Variants in TAB1 observed in about 807,000 individuals in gnomAD.
TAB1 encodes the protein TGF-beta activated kinase 1 (MAP3K7) binding protein 1, also known as TGF-beta-activated kinase 1 and MAP3K7-binding protein 1.
In TAB1, 30 loss-of-function variants were observed where a neutral mutation model predicts 54.5. The ratio of observed to expected loss-of-function variants is 0.55; its 90% CI spans 0.41 to 0.75. The LOEUF is 0.75. Among genes scored for constraint, TAB1 ranks in the 30% least tolerant of loss-of-function variants. TAB1 has a pLI of 0.00. For synonymous variants in TAB1, 289 were observed against 286.9 expected (o/e 1.01, Z -0.07); for missense variants, 609 against 683.2 (o/e 0.89, Z 1.21).
intron 8 of TAB1, among the ~76,000 whole-genome samples, chr22:39,422,955 G>A (rs1263101697): frequency 2.6e-5 from 4 of 151,532 alleles, no homozygotes; most frequent in Non-Finnish European, 4.4e-5. Context: ...ATTCTTGTAG[G>A]AAGATAACCT....
chr22:39,429,003 AC>A, intron 10 of TAB1: 2 of 962,526 alleles, frequency 2.1e-6, no homozygotes, highest in Non-Finnish European at 1.2e-6. Flanking sequence ...CCTCTCCAGC[AC>A]CCCTGCCGGG....
chr22:39,411,814 G>A (rs903644755), intron 1 of TAB1, among the ~76,000 whole-genome samples: 2 of 152,118 alleles, frequency 1.3e-5, no homozygotes, highest in African/African-American at 4.8e-5. Context: ...TATAAGAAAC[G>A]AAACAGCCCA....
chr22:39,407,118 CCTT>C (rs1926400300), intron 1 of TAB1, among the ~76,000 whole-genome samples: 1 of 152,108 alleles, frequency 6.6e-6, no homozygotes, highest in Non-Finnish European at 1.5e-5. Flanking sequence ...TTTAAAACAA[CCTT>C]CTATAGTAGT....
Position 39,430,184 on chromosome 22 carries a change from G to A in TAB1, c.1477G>A (p.Val493Met), listed in dbSNP as rs759175996. ...DFAEFYRLWS[V>M]DHGEQSVVTA... Reference sequence around the variant, plus strand: ...TGCTGAGTTTTACCGCCTCTGGAGCGTGGACCATGGCGAGCAGAGCGTGGT... The same window carrying A: ...TGCTGAGTTTTACCGCCTCTGGAGCATGGACCATGGCGAGCAGAGCGTGGT... Residue 493 changes from valine to methionine, a missense_variant, in exon 11 of 11, where the codon GTG (valine) becomes ATG (methionine). By Grantham distance (21) the Val-to-Met change is conservative. Coordinates refer to ENST00000216160, the MANE Select transcript of TAB1 (RefSeq NM_006116.3). 16 of 1,613,570 alleles carry A rather than the reference G, an allele frequency of 9.9e-6. No individual in the cohort carries two copies. The highest frequency in any genetic ancestry group is 2.2e-5 in the East Asian group (1 of 44,886).
chr22:39,433,009 G>A (rs888927476), downstream of TAB1: 10 of 985,386 alleles, frequency 1.0e-5, no homozygotes, highest in South Asian at 4.7e-5. Flanking sequence ...CACCGTCCAC[G>A]TCCCCAGGTG....
chr22:39,429,420 C>G, intron 10 of TAB1: 2 of 949,266 alleles, frequency 2.1e-6, no homozygotes, highest in Middle Eastern at 5.5e-4. Flanking sequence ...TGGGTGCTGT[C>G]CTGTCACGGC....
chr22:39,411,942 T>C (rs1040766955), intron 1 of TAB1, among the ~76,000 whole-genome samples: 4 of 152,108 alleles, frequency 2.6e-5, no homozygotes, highest in African/African-American at 9.7e-5. Context: ...CTTGGATGAG[T>C]CTTAGAGACA....
intron 8 of TAB1, 44 bp downstream of exon 8, chr22:39,422,015 G>A: frequency 2.0e-6 from 3 of 1,479,388 alleles, no homozygotes; most frequent in South Asian, 1.4e-5. Context: ...AGCGTGGCTG[G>A]CCTGCATGGT....
intron 1 of TAB1, among the ~76,000 whole-genome samples, chr22:39,400,461 TCTGA>T (rs36066480): frequency 0.042 from 6,461 of 152,224 alleles, 465 homozygotes; most frequent in African/African-American, 0.15. Flanking sequence ...TGGTCCTGGC[TCTGA>T]CTGTGTCTCC....
chr22:39,433,179 C>T (rs1927652210), downstream of TAB1: 3 of 985,290 alleles, frequency 3.0e-6, no homozygotes, highest in Admixed American at 6.1e-5. Context: ...CGGCCGGGCG[C>T]GGTGGCTCAG....
chr22:39,415,733 T>C lies in TAB1; in HGVS notation c.324+80T>C. 2 of 1,518,512 alleles carry C rather than the reference T, an allele frequency of 1.3e-6. No homozygotes were observed. Among genetic ancestry groups the C allele is most frequent in the Non-Finnish European group, 8.8e-7 (1 of 1,130,198 alleles). 94.1% of individuals were successfully genotyped at this position (1,518,512 alleles called of 1,614,324 possible). The stretch of plus-strand genomic sequence containing the variant: ...GCTTGGGCCCTGCACCTCTAGCATG[T>C]TGCCAGGGTTGGTGTGAAGATCCTG... On this transcript the variant is annotated intron_variant, in intron 3 of 10. Transcript: ENST00000216160. The surrounding 1 kb of genome is among the most constrained non-coding windows in gnomAD (Gnocchi z 4.9).
At chr22:39,431,976 C>G, downstream of TAB1, 1 of 688,180 alleles carries the variant, frequency 1.5e-6, no homozygotes, top group Non-Finnish European at 1.8e-6. Flanking sequence ...GAACTCGGCT[C>G]GCCAGGCTGC....
At chr22:39,422,495 G>A (rs933509263) in intron 8 of TAB1, among the ~76,000 whole-genome samples, 1 of 131,388 alleles carries the variant, frequency 7.6e-6, no homozygotes, top group African/African-American at 2.9e-5. Context: ...TGCAATCTCC[G>A]CCTCCCGGGT....
chr22:39,421,833 C>G lies in TAB1; in HGVS notation c.783C>G (p.Ala261=), dbSNP rs767859643. ...TTCCACTCTCTCCCCATAGCGCTGC[C>G]AAGTCCAAACCAATCATCGCAGAGC... ...GYTDIDLLSA[A]KSKPIIAEPE... Residue 261 remains alanine, a synonymous_variant, in exon 8 of 11, where the codon GCC becomes GCG. Coordinates refer to ENST00000216160, the MANE Select transcript of TAB1 (RefSeq NM_006116.3). 6.2e-7 allele frequency: 1 copy of G among 1,614,096 alleles called. No homozygotes were observed. Among genetic ancestry groups the G allele is most frequent in the Admixed American group, 1.7e-5 (1 of 60,010 alleles).
intron 1 of TAB1, among the ~76,000 whole-genome samples, chr22:39,400,199 A>C (rs1926073477): frequency 6.6e-6 from 1 of 152,154 alleles, no homozygotes. Flanking sequence ...TCCACAGTGT[A>C]CCGCTTACTG....
At chr22:39,414,497 G>A (rs1926737069) in intron 1 of TAB1, among the ~76,000 whole-genome samples, 1 of 152,238 alleles carries the variant, frequency 6.6e-6, no homozygotes, top group Non-Finnish European at 1.5e-5. Context: ...TCTCCAGGCT[G>A]GGTCTTAGGT....
intron 4 of TAB1, 28 bp downstream of exon 4, chr22:39,416,905 A>C: frequency 1.2e-6 from 2 of 1,609,160 alleles, no homozygotes; most frequent in African/African-American, 1.3e-5. Flanking sequence ...CACCCAGGGG[A>C]GTCAAGTCCA....
In TAB1 at chr22:39,430,534, C is replaced by G. The variant is rs1240822033; in HGVS notation, c.*312C>G. On this transcript the variant is annotated 3_prime_UTR_variant, in exon 11 of 11. Coordinates refer to ENST00000216160, the MANE Select transcript of TAB1 (RefSeq NM_006116.3). ...GGGCCTGCAAGCCGCCCGAGCCTCC[C>G]CAGCAGCCTCCTACAGAGCAGGAAG... The G allele has an allele frequency of 1.6e-6, 2 of 1,259,414 alleles. No homozygotes were observed. Among genetic ancestry groups the G allele is most frequent in the African/African-American group, 1.5e-5 (1 of 65,734 alleles). The allele number at this position is 1,259,414 out of a possible 1,614,324, so 78.0% of individuals were successfully genotyped here. A position where few individuals can be genotyped will look rare whatever the true frequency, so the allele number is the denominator to read the frequency against.
chr22:39,401,318 C>T (rs1260844168), intron 1 of TAB1, among the ~76,000 whole-genome samples: 1 of 152,202 alleles, frequency 6.6e-6, no homozygotes, highest in African/African-American at 2.4e-5. Context: ...CTGTCTTCCC[C>T]TCCACACCTT....
Sources: allele counts gnomAD v4.1 joint callset (sites outside exome capture counted in the v4.1 genomes callset), GRCh38; gene constraint gnomAD v4.1.1; non-coding constraint Gnocchi (gnomAD v3.1); transcripts MANE v1.5; gene names NCBI Gene and HGNC (gene_info 2026-07-23, HGNC 2026-07-21).